The following ALDH1A2 variants were observed in gnomAD, a reference collection of about 807,000 sequenced individuals.
ALDH1A2 encodes the protein retinal dehydrogenase 2.
Under a neutral mutation model 60.3 loss-of-function variants are expected in ALDH1A2, and 27 were observed. The ratio of observed to expected loss-of-function variants is 0.45; its 90% CI spans 0.33 to 0.62. The LOEUF (loss-of-function observed/expected upper bound fraction) is 0.62, where lower values mean the gene tolerates loss of function less well. ALDH1A2 is among the 20% of genes least tolerant of loss of function. ALDH1A2 has a pLI of 0.02. For missense variants in ALDH1A2, 581 were observed against 643.8 expected (o/e 0.90, Z 1.06); for synonymous variants, 289 against 232.4 (o/e 1.24, Z -2.21).
chr15:58,042,107 A>G (rs1158587916), intron 1 of ALDH1A2, among the ~76,000 whole-genome samples: 4 of 151,968 alleles, frequency 2.6e-5, no homozygotes, highest in Non-Finnish European at 5.9e-5. Flanking sequence ...CTCAAATCCT[A>G]TATTAAAACT....
intron 12 of ALDH1A2, 114 bp downstream of exon 12, chr15:57,960,656 A>G: frequency 1.1e-6 from 1 of 881,158 alleles, no homozygotes; most frequent in Non-Finnish European, 1.9e-6. Flanking sequence ...GCTCCACGAA[A>G]TGTTTGTTGA....
At chr15:58,054,394 A>G (rs1896846256) in intron 1 of ALDH1A2, among the ~76,000 whole-genome samples, 1 of 152,160 alleles carries the variant, frequency 6.6e-6, no homozygotes, top group South Asian at 2.1e-4. Flanking sequence ...ATCATTTATA[A>G]TGAAACATTA....
At chr15:58,024,754 A>G (rs1896029881) in intron 1 of ALDH1A2, among the ~76,000 whole-genome samples, 3 of 152,198 alleles carry the variant, frequency 2.0e-5, no homozygotes, top group Admixed American at 1.3e-4. Context: ...CCTTTTCATC[A>G]GCACATGCAA....
chr15:57,975,264 C>G (rs2140466244), intron 7 of ALDH1A2, among the ~76,000 whole-genome samples: 1 of 152,284 alleles, frequency 6.6e-6, no homozygotes, highest in African/African-American at 2.4e-5. Flanking sequence ...TTCATAGAAG[C>G]TTTTATTAGT....
At chr15:58,051,069 TAAA>T (rs1316678678) in intron 1 of ALDH1A2, among the ~76,000 whole-genome samples, 2 of 152,174 alleles carry the variant, frequency 1.3e-5, no homozygotes, top group East Asian at 3.9e-4. Flanking sequence ...TATAAGTAGT[TAAA>T]GAAGAATTAT....
At position 57,954,330 on chromosome 15, in the gene ALDH1A2, T is replaced by C. The variant is rs1268606863; in HGVS notation, c.*867A>G. 6.5e-6 allele frequency: 1 copy of C among 152,738 alleles called. No homozygotes were observed. Among genetic ancestry groups the C allele is most frequent in the East Asian group, 1.9e-4 (1 of 5,346 alleles). 9.5% of individuals were successfully genotyped at this position (152,738 alleles called of 1,614,324 possible). On this transcript the variant is annotated 3_prime_UTR_variant, in exon 13 of 13. Transcript: ENST00000249750. ...AAGGCATCCAGCATTATCAAATTCT[T>C]GGGCCTACTCGGATTGTTTTTTGGT...
intron 9 of ALDH1A2, among the ~76,000 whole-genome samples, chr15:57,962,636 A>ATTACACTTT (rs1893762463): frequency 6.6e-6 from 1 of 152,150 alleles, no homozygotes; most frequent in South Asian, 2.1e-4. Flanking sequence ...AGGAATTCCT[A>ATTACACTTT]TTACACTTTT....
At chr15:58,042,190 T>C (rs763673113) in intron 1 of ALDH1A2, among the ~76,000 whole-genome samples, 3 of 152,000 alleles carry the variant, frequency 2.0e-5, no homozygotes, top group Non-Finnish European at 2.9e-5. Context: ...CCTTCTTTAA[T>C]TGACAGGACA....
In ALDH1A2 at chr15:58,013,716, C is replaced by T. The variant is rs188510952; in HGVS notation, c.363+142G>A. 784 of 1,135,546 alleles carry T rather than the reference C, an allele frequency of 6.9e-4. 4 individuals carry two copies. The African/African-American group carries it at 0.011, about 16-fold the overall frequency. 70.3% of individuals were successfully genotyped at this position (1,135,546 alleles called of 1,614,324 possible). On this transcript the variant is annotated intron_variant, in intron 3 of 12. Coordinates refer to ENST00000249750, the MANE Select transcript of ALDH1A2 (RefSeq NM_003888.4). ...GCAGTGAGCTGAAATCGTGCCACTG[C>T]GCTCCAGCCTGGGCGACAGAGCTAG...
intron 1 of ALDH1A2, among the ~76,000 whole-genome samples, chr15:58,054,035 A>G (rs1273900513): frequency 6.6e-6 from 1 of 152,182 alleles, no homozygotes; most frequent in African/African-American, 2.4e-5. Context: ...CAGAAGTCAA[A>G]TGTGGTTATT....
chr15:58,026,374 C>G (rs1471413040), intron 1 of ALDH1A2, among the ~76,000 whole-genome samples: 1 of 152,136 alleles, frequency 6.6e-6, no homozygotes, highest in Non-Finnish European at 1.5e-5. Flanking sequence ...TTGATAAAAT[C>G]AACATCCCAC....
chr15:57,999,200 T>C (rs1036071415), intron 4 of ALDH1A2, among the ~76,000 whole-genome samples: 1 of 151,912 alleles, frequency 6.6e-6, no homozygotes, highest in Non-Finnish European at 1.5e-5. Flanking sequence ...ATTGACAATT[T>C]GGATCTAATT....
chr15:58,014,646 TAC>T, intron 1 of ALDH1A2: 37 of 418,398 alleles, frequency 8.8e-5, no homozygotes, highest in South Asian at 6.3e-4. Context: ...AGATCAAACT[TAC>T]AGTCATCAAG....
intron 7 of ALDH1A2, among the ~76,000 whole-genome samples, chr15:57,981,397 G>A (rs948426138): frequency 1.3e-5 from 2 of 151,100 alleles, no homozygotes; most frequent in African/African-American, 2.4e-5. Context: ...CAAAATAAAC[G>A]AAAGGAGAGT....
At chr15:58,008,189 G>A (rs1056008996) in intron 4 of ALDH1A2, among the ~76,000 whole-genome samples, 1 of 152,074 alleles carries the variant, frequency 6.6e-6, no homozygotes, top group African/African-American at 2.4e-5. Context: ...AGGCCTGATG[G>A]CAGGGAGGGT....
At chr15:58,041,284 T>C (rs1047530850) in intron 1 of ALDH1A2, among the ~76,000 whole-genome samples, 1 of 151,930 alleles carries the variant, frequency 6.6e-6, no homozygotes, top group African/African-American at 2.4e-5. Context: ...CAATAATATG[T>C]CCATATCTAA....
intron 2 of ALDH1A2, 39 bp downstream of exon 2, chr15:58,014,138 G>T (rs571312095): frequency 5.0e-6 from 8 of 1,613,984 alleles, no homozygotes; most frequent in Non-Finnish European, 6.8e-6. Context: ...TTTGAAGGCA[G>T]TTATTTCATA....
chr15:57,955,930 C>T (rs930852289), intron 12 of ALDH1A2, among the ~76,000 whole-genome samples: 3 of 152,152 alleles, frequency 2.0e-5, no homozygotes, highest in Non-Finnish European at 4.4e-5. Flanking sequence ...CGCATGTTCT[C>T]CTCTTTTTCT....
At chr15:58,009,525 G>A (rs989311007) in intron 4 of ALDH1A2, among the ~76,000 whole-genome samples, 3 of 151,250 alleles carry the variant, frequency 2.0e-5, no homozygotes, top group Non-Finnish European at 4.4e-5. Context: ...CACTCTCCAT[G>A]GAAAGCAGAC....
Sources: gnomAD v4.1 joint callset for allele counts (sites outside exome capture counted in the v4.1 genomes callset) on GRCh38, gnomAD v4.1.1 for gene constraint, MANE v1.5 for transcripts, NCBI Gene and HGNC (gene_info 2026-07-23, HGNC 2026-07-21) for gene names.